The following ZFHX3 variants were observed in gnomAD, a reference collection of about 807,000 sequenced individuals.
ZFHX3 encodes the protein zinc finger homeobox protein 3.
A neutral mutation model predicts 279.1 loss-of-function variants in ZFHX3; 42 were observed. That is an observed-to-expected ratio of 0.15 (90% confidence interval 0.12 to 0.19). The LOEUF (loss-of-function observed/expected upper bound fraction) is 0.19. ZFHX3 is among the 10% of genes least tolerant of loss of function. ZFHX3 has a pLI of 1.00. For synonymous variants in ZFHX3, 2,293 were observed against 1,957.8 expected (o/e 1.17, Z -4.52); for missense variants, 4,981 against 4,754.0 (o/e 1.05, Z -1.40).
intron 3 of ZFHX3, among the ~76,000 whole-genome samples, chr16:72,919,911 A>T (rs1045739314): frequency 3.4e-5 from 5 of 145,854 alleles, no homozygotes; most frequent in African/African-American, 1.3e-4. Flanking sequence ...CTCCTGCCTC[A>T]GCCTCCCAAG....
chr16:73,678,853 C>T (rs1191910741), intron 2 of ZFHX3, among the ~76,000 whole-genome samples: 4 of 152,198 alleles, frequency 2.6e-5, no homozygotes, highest in East Asian at 1.9e-4. Flanking sequence ...GAGAAACACC[C>T]GATGTTCTCG....
chr16:73,209,949 C>T (rs1351857329), intron 5 of ZFHX3, among the ~76,000 whole-genome samples: 6 of 152,178 alleles, frequency 3.9e-5, no homozygotes, highest in African/African-American at 9.7e-5. Context: ...AAAAGCTATA[C>T]ATGTTCTTCC....
chr16:73,172,046 C>T (rs1355017625), intron 5 of ZFHX3, among the ~76,000 whole-genome samples: 2 of 152,206 alleles, frequency 1.3e-5, no homozygotes, highest in African/African-American at 4.8e-5. Flanking sequence ...CCGGGTCCTG[C>T]CCAGACTCGC....
intron 2 of ZFHX3, among the ~76,000 whole-genome samples, chr16:73,565,952 G>A (rs2020444744): frequency 6.6e-6 from 1 of 152,182 alleles, no homozygotes; most frequent in African/African-American, 2.4e-5. Context: ...TTTGGGCCGG[G>A]ATGGGGGGGA....
At chr16:72,868,452 T>C (rs1028806757) in intron 4 of ZFHX3, among the ~76,000 whole-genome samples, 2 of 152,190 alleles carry the variant, frequency 1.3e-5, no homozygotes, top group African/African-American at 4.8e-5. Context: ...ATCCTGCACC[T>C]TACATAAGCT....
At position 73,878,338 on chromosome 16, in the gene ZFHX3, T is replaced by C. The variant is rs1305120634; in HGVS notation, c.-1608+13313A>G. Among the ~76,000 whole-genome samples the C allele has an allele frequency of 4.6e-5, 7 of 152,264 alleles. No homozygotes were observed. In the East Asian group the frequency reaches 9.6e-4, roughly 21 times the overall value. On this transcript the variant is annotated intron_variant, in intron 1 of 17. Transcript: ENST00000641206. ...GGTGATTACTTTTTATAAAGAGAGT[T>C]TGAAAACAGTTAATAAAGAAGATGC... is the stretch of plus-strand genomic sequence containing the variant.
chr16:73,658,077 A>G (rs1318036189), intron 2 of ZFHX3, among the ~76,000 whole-genome samples: 2 of 152,220 alleles, frequency 1.3e-5, no homozygotes, highest in East Asian at 1.9e-4. Flanking sequence ...TTAGTTTTCT[A>G]AAGCTAATTA....
intron 4 of ZFHX3, among the ~76,000 whole-genome samples, chr16:72,886,057 C>T (rs954184333): frequency 2.0e-5 from 3 of 152,314 alleles, no homozygotes; most frequent in East Asian, 1.9e-4. Flanking sequence ...CCATAATGTC[C>T]GTTCTCTTGA....
intron 1 of ZFHX3, among the ~76,000 whole-genome samples, chr16:73,685,810 G>C (rs997869214): frequency 6.6e-6 from 1 of 152,192 alleles, no homozygotes; most frequent in Non-Finnish European, 1.5e-5. Flanking sequence ...GCAAATCACA[G>C]AAGAGCAAAT....
chr16:72,938,065 T>C (rs1190472284), intron 3 of ZFHX3, among the ~76,000 whole-genome samples: 3 of 152,248 alleles, frequency 2.0e-5, no homozygotes, highest in Non-Finnish European at 4.4e-5. Flanking sequence ...TACGAACCAG[T>C]TGGTGAAACC....
At chr16:73,207,014 T>C (rs1329350641) in intron 5 of ZFHX3, among the ~76,000 whole-genome samples, 1 of 97,364 alleles carries the variant, frequency 1.0e-5, no homozygotes, top group African/African-American at 4.4e-5. Context: ...CGAGAATCCA[T>C]CTCAAAAATA....
At position 73,009,850 on chromosome 16, in the gene ZFHX3, G is replaced by A. The variant is rs9940329; in HGVS notation, c.-50+37902C>T. On this transcript the variant is annotated intron_variant, in intron 1 of 9. Transcript: ENST00000268489. ...AGCCTGACCAAAATGGCAAAACCCC[G>A]TCTCTAGTAAAAATAAAAAAATTAG... 9.6e-3 allele frequency among the ~76,000 whole-genome samples: 1,454 copies of A among 151,958 alleles called. 24 individuals carry two copies. Among genetic ancestry groups the A allele is most frequent in the African/African-American group, 0.033 (1,357 of 41,446 alleles).
chr16:73,007,549 C>G (rs1399518625), intron 1 of ZFHX3, among the ~76,000 whole-genome samples: 2 of 152,128 alleles, frequency 1.3e-5, no homozygotes, highest in Non-Finnish European at 2.9e-5. Flanking sequence ...CGGGTTCACG[C>G]AATTCTCCTG....
chr16:73,305,011 G>A (rs1268243881), intron 4 of ZFHX3, among the ~76,000 whole-genome samples: 2 of 151,982 alleles, frequency 1.3e-5, no homozygotes, highest in Non-Finnish European at 2.9e-5. Flanking sequence ...TGCACTTACT[G>A]TCAGATCTCT....
At chr16:73,051,093 A>C (rs977169397), upstream of ZFHX3, among the ~76,000 whole-genome samples, 2 of 151,816 alleles carry the variant, frequency 1.3e-5, no homozygotes, top group Non-Finnish European at 2.9e-5. Context: ...GGATGTCAGC[A>C]TTCTGACTTC....
rs1360576949 is a variant in ZFHX3, at chr16:73,346,888, T to C, written c.-1290-28552A>G. Among the ~76,000 whole-genome samples, 4 of 152,180 alleles carry C rather than the reference T, an allele frequency of 2.6e-5. No homozygotes were observed. In the East Asian group the frequency reaches 5.8e-4, roughly 22 times the overall value. ...CCTCCCTAAACCATGAAGTTAACTA[T>C]TTACCACTGTTGTAATTATCCTTAT... On this transcript the variant is annotated intron_variant, in intron 3 of 17. Coordinates refer to the ZFHX3 transcript ENST00000641206.
intron 2 of ZFHX3, among the ~76,000 whole-genome samples, chr16:73,640,384 T>C (rs2052563141): frequency 6.6e-6 from 1 of 150,760 alleles, no homozygotes; most frequent in African/African-American, 2.4e-5. Context: ...CGGAAGATAT[T>C]TGGAGGAAGC....
chr16:72,787,320 C>A lies in ZFHX3; in HGVS notation c.10956G>T (p.Gln3652His). The change falls in exon 10 of 10, where the codon CAG becomes CAT. Residue 3652 changes from glutamine to histidine, a missense_variant. Physicochemically the swap from Gln to His is conservative, Grantham distance 24 (BLOSUM62 0). Transcript: ENST00000268489. ...AATAGTCGTCTGTTGGCATCGAGGG[C>A]TGAACCCCTGAGGTGCTGCATGAAC... ...TSSSCSTSGV[Q>H]PSMPTDDYSE... is the part of the protein sequence containing the mutation. 2 of 1,613,978 alleles carry A rather than the reference C, an allele frequency of 1.2e-6. No homozygotes were observed. Among genetic ancestry groups the A allele is most frequent in the Non-Finnish European group, 1.7e-6 (2 of 1,179,992 alleles).
intron 5 of ZFHX3, among the ~76,000 whole-genome samples, chr16:73,242,330 C>T (rs1391722444): frequency 6.6e-6 from 1 of 151,998 alleles, no homozygotes; most frequent in Non-Finnish European, 1.5e-5. Context: ...GATCCTCCTT[C>T]TACAACTATG....
Sources: allele counts gnomAD v4.1 joint callset (sites outside exome capture counted in the v4.1 genomes callset), GRCh38; gene constraint gnomAD v4.1.1; transcripts MANE v1.5; gene names NCBI Gene and HGNC (gene_info 2026-07-23, HGNC 2026-07-21).